Variants in PLEKHA2 observed in about 807,000 individuals in gnomAD.
The protein encoded by PLEKHA2 is pleckstrin homology domain-containing family A member 2.
In PLEKHA2, 28 loss-of-function variants were observed where a neutral mutation model predicts 53.2. The ratio of observed to expected loss-of-function variants is 0.53; its 90% CI spans 0.39 to 0.72. The LOEUF (loss-of-function observed/expected upper bound fraction) is 0.72, where lower values mean the gene tolerates loss of function less well. Ranked by LOEUF, PLEKHA2 falls within the 30% of genes least tolerant of loss-of-function variation. The probability of loss-of-function intolerance (pLI) is 0.00; values close to 1 mark genes in which losing one functional copy is unlikely to be tolerated. For synonymous variants in PLEKHA2, 193 were observed against 196.4 expected (o/e 0.98, Z 0.14); for missense variants, 426 against 537.9 (o/e 0.79, Z 2.06).
chr8:38,938,826 C>T (rs1170390657), intron 3 of PLEKHA2, among the ~76,000 whole-genome samples: 4 of 152,070 alleles, frequency 2.6e-5, no homozygotes, highest in Non-Finnish European at 4.4e-5. Flanking sequence ...CCTGCAGCCA[C>T]GCCTCTTCAT....
chr8:38,969,654 TG>T lies in PLEKHA2; in HGVS notation c.1153del (p.Glu385ArgfsTer13). The T allele has an allele frequency of 6.3e-7, 1 of 1,596,162 alleles. No homozygotes were observed. On this transcript the variant is annotated frameshift_variant, in exon 12 of 12. Coordinates refer to ENST00000617275, the MANE Select transcript of PLEKHA2 (RefSeq NM_021623.2). LOFTEE classifies it high-confidence loss of function. Reference sequence around the variant, plus strand: ...AGGACTCCTTGTTCACGCCTCGTCCTGGGGAGGGCAGCGCTCCTGGGGTGCT... The same window carrying T: ...AGGACTCCTTGTTCACGCCTCGTCCTGGGAGGGCAGCGCTCCTGGGGTGCT... ...SEDSLFTPRP[G>X]EGSAPGVLPS...
In PLEKHA2 at chr8:38,973,630, G is replaced by C. The variant is rs1251412357; in HGVS notation, c.*3847G>C. 1 of 148,794 alleles carries C rather than the reference G, an allele frequency of 6.7e-6. No individual in the cohort carries two copies. The highest frequency in any genetic ancestry group is 2.5e-5 in the African/African-American group (1 of 40,032). 9.2% of individuals were successfully genotyped at this position (148,794 alleles called of 1,614,324 possible). ...TTTTCCTCTCTGTGTTATTGCCTGC[G>C]GCAGCCAGTCCTTCATACTAGATAG... On this transcript the variant is annotated 3_prime_UTR_variant, in exon 12 of 12. Coordinates refer to ENST00000617275, the MANE Select transcript of PLEKHA2 (RefSeq NM_021623.2).
At chr8:38,968,748 G>A in intron 11 of PLEKHA2, 79 bp downstream of exon 11, 1 of 1,488,078 alleles carries the variant, frequency 6.7e-7, no homozygotes, top group Non-Finnish European at 9.4e-7. Flanking sequence ...ATTTGGTGAT[G>A]TAGGCAAGCA....
At chr8:38,924,012 C>T (rs970683654) in intron 2 of PLEKHA2, among the ~76,000 whole-genome samples, 9 of 152,030 alleles carry the variant, frequency 5.9e-5, no homozygotes, top group South Asian at 2.1e-4. Context: ...CCACCATGCC[C>T]GGCTACTTTT....
At chr8:38,954,520 TTCTCTAAC>T (rs1297004657) in intron 9 of PLEKHA2, among the ~76,000 whole-genome samples, 2 of 152,096 alleles carry the variant, frequency 1.3e-5, no homozygotes, top group East Asian at 1.9e-4. Flanking sequence ...GCCTTGAACT[TTCTCTAAC>T]TCTCTAACTC....
intron 5 of PLEKHA2, among the ~76,000 whole-genome samples, chr8:38,950,112 G>A (rs778618568): frequency 1.8e-4 from 28 of 152,170 alleles, no homozygotes; most frequent in Non-Finnish European, 3.7e-4. Flanking sequence ...TGTGATTATA[G>A]CTCACTTCAG....
chr8:38,948,619 C>G (rs930010003), intron 5 of PLEKHA2, among the ~76,000 whole-genome samples: 1 of 152,170 alleles, frequency 6.6e-6, no homozygotes, highest in Non-Finnish European at 1.5e-5. Flanking sequence ...GGGGGCCCAG[C>G]ATAATCAGGG....
chr8:38,946,290 G>A (rs1476890596), intron 5 of PLEKHA2, 69 bp downstream of exon 5: 3 of 1,388,454 alleles, frequency 2.2e-6, no homozygotes, highest in Admixed American at 2.0e-5. Context: ...GCCTTGTTGG[G>A]GTTGGGGAAA....
At chr8:38,952,368 G>A in intron 7 of PLEKHA2, 56 bp downstream of exon 7, 3 of 1,583,438 alleles carry the variant, frequency 1.9e-6, no homozygotes, top group Non-Finnish European at 1.7e-6. Context: ...AGAGCCAGTG[G>A]CTGTAGACAT....
intron 2 of PLEKHA2, among the ~76,000 whole-genome samples, chr8:38,918,746 A>G (rs574334509): frequency 6.7e-6 from 1 of 149,238 alleles, no homozygotes; most frequent in East Asian, 2.0e-4. Flanking sequence ...GCGCACACGC[A>G]CACACCATAC....
chr8:38,969,841 T>G lies in PLEKHA2; in HGVS notation c.*58T>G, dbSNP rs1835213701. On this transcript the variant is annotated 3_prime_UTR_variant, in exon 12 of 12. Transcript: ENST00000617275. ...GGGAGGACTTGAGAGAAGGAGGCTG[T>G]GACTCAGTTTCTCTACCTTGTTGGA... 3 of 1,536,576 alleles carry G rather than the reference T, an allele frequency of 2.0e-6. No individual in the cohort carries two copies. Among genetic ancestry groups the G allele is most frequent in the Non-Finnish European group, 2.6e-6 (3 of 1,144,074 alleles).
chr8:38,957,292 G>T (rs766608467), intron 9 of PLEKHA2, 31 bp from the exon 10 acceptor site: 6 of 1,569,520 alleles, frequency 3.8e-6, no homozygotes, highest in Non-Finnish European at 5.3e-6. Flanking sequence ...ATGTCAGCAC[G>T]CCATAACATT....
At chr8:38,939,125 A>C (rs1834552053) in intron 3 of PLEKHA2, among the ~76,000 whole-genome samples, 1 of 151,954 alleles carries the variant, frequency 6.6e-6, no homozygotes, top group African/African-American at 2.4e-5. Flanking sequence ...GCTGGTCTCG[A>C]ACTCCTGACC....
At chr8:38,968,485 T>C in intron 10 of PLEKHA2, 107 bp from the exon 11 acceptor site, 1 of 1,039,352 alleles carries the variant, frequency 9.6e-7, no homozygotes, top group Non-Finnish European at 1.5e-6. Context: ...TGGGATGCTT[T>C]CTACCCCTAA....
At chr8:38,966,392 G>A (rs1432870489) in intron 10 of PLEKHA2, among the ~76,000 whole-genome samples, 3 of 152,162 alleles carry the variant, frequency 2.0e-5, no homozygotes, top group Non-Finnish European at 2.9e-5. Flanking sequence ...CAATGCACGC[G>A]TGTGTGTTTT....
At chr8:38,919,368 C>T (rs1834137911) in intron 2 of PLEKHA2, among the ~76,000 whole-genome samples, 1 of 152,188 alleles carries the variant, frequency 6.6e-6, no homozygotes, top group South Asian at 2.1e-4. Context: ...CAAGGCTTTT[C>T]TTATTCTGGC....
intron 1 of PLEKHA2, among the ~76,000 whole-genome samples, chr8:38,906,013 T>C (rs1391022588): frequency 6.6e-6 from 1 of 152,250 alleles, no homozygotes; most frequent in Non-Finnish European, 1.5e-5. Flanking sequence ...TTTCATTCTC[T>C]TAACTGCCCA....
intron 2 of PLEKHA2, among the ~76,000 whole-genome samples, chr8:38,926,903 G>A (rs952664107): frequency 1.4e-4 from 21 of 152,232 alleles, no homozygotes; most frequent in African/African-American, 4.3e-4. Flanking sequence ...TAACAAGAGC[G>A]AGACTCCATC....
intron 9 of PLEKHA2, 69 bp downstream of exon 9, chr8:38,953,436 C>A (rs761228945): frequency 7.3e-7 from 1 of 1,371,946 alleles, no homozygotes; most frequent in Non-Finnish European, 1.0e-6. Context: ...CCTTTACTAC[C>A]CTTCAGAGAC....
Sources: gnomAD v4.1 joint callset for allele counts (sites outside exome capture counted in the v4.1 genomes callset) on GRCh38, gnomAD v4.1.1 for gene constraint, MANE v1.5 for transcripts, NCBI Gene and HGNC (gene_info 2026-07-23, HGNC 2026-07-21) for gene names.